The following ANKRD6 variants were observed in gnomAD, a reference collection of about 807,000 sequenced individuals.
ANKRD6 encodes ankyrin repeat domain-containing protein 6.
A neutral mutation model predicts 82.3 loss-of-function variants in ANKRD6; 56 were observed. The ratio of observed to expected loss-of-function variants is 0.68; its 90% CI spans 0.55 to 0.85. The LOEUF (loss-of-function observed/expected upper bound fraction) is 0.85, where lower values mean the gene tolerates loss of function less well. Ranked by LOEUF, ANKRD6 falls within the 40% of genes least tolerant of loss-of-function variation. ANKRD6 has a pLI of 0.00. For synonymous variants in ANKRD6, 347 were observed against 352.1 expected (o/e 0.99, Z 0.16); for missense variants, 852 against 907.6 (o/e 0.94, Z 0.79).
intron 1 of ANKRD6, among the ~76,000 whole-genome samples, chr6:89,468,579 C>A (rs888640978): frequency 8.1e-6 from 1 of 122,872 alleles, no homozygotes; most frequent in African/African-American, 3.1e-5. Context: ...TATGCTAACA[C>A]TAATGATAGT....
At chr6:89,533,567 GC>G (rs1783452845) in intron 1 of ANKRD6, among the ~76,000 whole-genome samples, 1 of 151,996 alleles carries the variant, frequency 6.6e-6, no homozygotes, top group African/African-American at 2.4e-5. Flanking sequence ...TTTTTCCTCT[GC>G]CCCAGTAAAT....
chr6:89,595,830 T>C, intron 2 of ANKRD6, 86 bp from the exon 3 acceptor site: 1 of 1,065,002 alleles, frequency 9.4e-7, no homozygotes, highest in Non-Finnish European at 1.4e-6. Flanking sequence ...AAAGCCCCTG[T>C]GCAAACCTTG....
intron 1 of ANKRD6, among the ~76,000 whole-genome samples, chr6:89,452,000 C>A (rs1426314835): frequency 6.6e-6 from 1 of 152,066 alleles, no homozygotes; most frequent in East Asian, 1.9e-4. Context: ...AGTTCAAAAC[C>A]AGCCTGGGAA....
At chr6:89,458,528 G>A (rs960434736) in intron 1 of ANKRD6, among the ~76,000 whole-genome samples, 4 of 152,210 alleles carry the variant, frequency 2.6e-5, no homozygotes, top group Non-Finnish European at 5.9e-5. Context: ...AATCACTGGT[G>A]TAAGTCCAAG....
chr6:89,478,075 A>G (rs1776291770), intron 1 of ANKRD6: 1 of 152,180 alleles, frequency 6.6e-6, no homozygotes, highest in Non-Finnish European at 1.5e-5. Flanking sequence ...TAATCAAGCT[A>G]AAATGAGGTC....
intron 1 of ANKRD6, among the ~76,000 whole-genome samples, chr6:89,541,551 C>T (rs1238621598): frequency 1.3e-5 from 2 of 151,702 alleles, no homozygotes; most frequent in African/African-American, 4.8e-5. Context: ...CACCACCAAG[C>T]CTGGCTAATT....
chr6:89,527,498 G>A (rs1782632242), intron 1 of ANKRD6, among the ~76,000 whole-genome samples: 1 of 147,864 alleles, frequency 6.8e-6, no homozygotes, highest in African/African-American at 2.5e-5. Flanking sequence ...GGAGGCTGAG[G>A]CAGGAGAATC....
At chr6:89,526,636 C>T (rs1782537760) in intron 1 of ANKRD6, among the ~76,000 whole-genome samples, 1 of 152,154 alleles carries the variant, frequency 6.6e-6, no homozygotes, top group African/African-American at 2.4e-5. Context: ...CTCCGAGAAA[C>T]AGAATCAAGA....
chr6:89,605,268 G>C (rs1041095184), intron 4 of ANKRD6, among the ~76,000 whole-genome samples: 7 of 152,168 alleles, frequency 4.6e-5, no homozygotes, highest in Non-Finnish European at 5.9e-5. Flanking sequence ...TGTAATTCCA[G>C]CTACTTGGGA....
intron 7 of ANKRD6, among the ~76,000 whole-genome samples, chr6:89,614,481 A>G (rs555347940): frequency 1.4e-4 from 22 of 152,210 alleles, no homozygotes; most frequent in Non-Finnish European, 2.8e-4. Flanking sequence ...CCCTGTCTCT[A>G]CCAAAAATAC....
chr6:89,627,600 G>A lies in ANKRD6; in HGVS notation c.1389G>A (p.Lys463=). The A allele has an allele frequency of 6.2e-7, 1 of 1,613,828 alleles. No homozygotes were observed. Among genetic ancestry groups the A allele is most frequent in the Non-Finnish European group, 8.5e-7 (1 of 1,179,758 alleles). ...KTQHQMRVLD[K]LMVERLSAER... ...ACTCCTAGATGCGTGTTTTGGACAA[G>A]CTGATGGTTGAGCGACTTTCTGCAG... is the stretch of plus-strand genomic sequence containing the variant. Residue 463 remains lysine (K), a synonymous_variant, in exon 14 of 16, where the codon AAG becomes AAA. Transcript: ENST00000339746.
At chr6:89,570,376 T>A (rs2128085556) in intron 2 of ANKRD6, among the ~76,000 whole-genome samples, 1 of 152,312 alleles carries the variant, frequency 6.6e-6, no homozygotes, top group South Asian at 2.1e-4. Flanking sequence ...TTTATATTTT[T>A]AAAATTTATT....
chr6:89,601,195 C>G (rs1243909936), intron 3 of ANKRD6, among the ~76,000 whole-genome samples: 2 of 152,154 alleles, frequency 1.3e-5, no homozygotes, highest in Non-Finnish European at 2.9e-5. Context: ...TTTTTAACCA[C>G]TGCAAGGGTT....
chr6:89,621,670 T>C, intron 9 of ANKRD6: 1 of 481,118 alleles, frequency 2.1e-6, no homozygotes, highest in East Asian at 3.9e-5. Context: ...GTGTCTGTAG[T>C]TATTATCATC....
At chr6:89,584,261 C>T (rs181428758) in intron 2 of ANKRD6, among the ~76,000 whole-genome samples, 1 of 152,280 alleles carries the variant, frequency 6.6e-6, no homozygotes, top group African/African-American at 2.4e-5. Flanking sequence ...CTCCACATCC[C>T]CACCCTGGTA....
chr6:89,506,383 C>T (rs555513951), intron 1 of ANKRD6, among the ~76,000 whole-genome samples: 22 of 152,270 alleles, frequency 1.4e-4, no homozygotes, highest in Non-Finnish European at 8.8e-5. Context: ...GGCGCAATCT[C>T]AGCTCACTGC....
At chr6:89,623,848 G>A in intron 11 of ANKRD6, 24 bp from the exon 12 acceptor site, 4 of 1,603,440 alleles carry the variant, frequency 2.5e-6, no homozygotes, top group Admixed American at 1.7e-5. Flanking sequence ...GCGTTCAGGG[G>A]TGTTGTCTCT....
intron 1 of ANKRD6, among the ~76,000 whole-genome samples, chr6:89,453,620 C>G (rs2127959143): frequency 6.6e-6 from 1 of 152,096 alleles, no homozygotes; most frequent in African/African-American, 2.4e-5. Flanking sequence ...CACTCTGTCG[C>G]CTAGTTAGGA....
intron 1 of ANKRD6, among the ~76,000 whole-genome samples, chr6:89,509,622 T>C (rs1335285809): frequency 6.6e-6 from 1 of 152,224 alleles, no homozygotes; most frequent in African/African-American, 2.4e-5. Flanking sequence ...AAACATTGCC[T>C]TTATTTTTTT....
Sources: gnomAD v4.1 joint callset for allele counts (sites outside exome capture counted in the v4.1 genomes callset) on GRCh38, gnomAD v4.1.1 for gene constraint, MANE v1.5 for transcripts, NCBI Gene and HGNC (gene_info 2026-07-23, HGNC 2026-07-21) for gene names.